ROBO2: variants seen among roughly 807,000 people sequenced by gnomAD.
The protein encoded by ROBO2 is roundabout guidance receptor 2.
ROBO2 carries 53 observed loss-of-function variants against 160.8 expected under a neutral mutation model. The observed-to-expected ratio is 0.33, with a 90% CI of 0.26 to 0.41. ROBO2 has a LOEUF of 0.41. Ranked by LOEUF, ROBO2 falls within the 10% of genes least tolerant of loss-of-function variation. The pLI, the probability that ROBO2 is intolerant of heterozygous loss-of-function variation, is 1.00. For synonymous variants in ROBO2, 664 were observed against 611.7 expected, an observed-to-expected ratio of 1.09 and a Z score of -1.26; for missense variants, 1,577 against 1,722.4, an observed-to-expected ratio of 0.92 and a Z score of 1.49.
At chr3:77,550,738 C>T in intron 7 of ROBO2, 80 bp from the exon 9 acceptor site, 1 of 1,415,008 alleles carries the variant, frequency 7.1e-7, no homozygotes, top group Non-Finnish European at 1.0e-6. Flanking sequence ...CCACTGTATT[C>T]CTTAATTGTA....
chr3:75,974,391 A>G (rs1221694917), intron 2 of ROBO2, among the ~76,000 whole-genome samples: 1 of 151,650 alleles, frequency 6.6e-6, no homozygotes, highest in East Asian at 2.0e-4. Context: ...TATCAGCATA[A>G]TAGGAAGAAA....
At chr3:76,408,098 C>A (rs1448030760) in intron 2 of ROBO2, among the ~76,000 whole-genome samples, 1 of 152,042 alleles carries the variant, frequency 6.6e-6, no homozygotes, top group African/African-American at 2.4e-5. Flanking sequence ...CAGGCACTAT[C>A]CCTACAGCTA....
intron 2 of ROBO2, among the ~76,000 whole-genome samples, chr3:77,139,346 C>T (rs1287789675): frequency 2.6e-5 from 4 of 152,064 alleles, no homozygotes; most frequent in African/African-American, 9.7e-5. Context: ...GTACTTTATT[C>T]CATTAATACA....
chr3:76,786,608 C>T (rs2062995703), intron 2 of ROBO2, among the ~76,000 whole-genome samples: 2 of 151,466 alleles, frequency 1.3e-5, no homozygotes, highest in Non-Finnish European at 3.0e-5. Context: ...TCCCACCACG[C>T]TCCACCTCCA....
intron 2 of ROBO2, among the ~76,000 whole-genome samples, chr3:75,950,506 G>T (rs1948493386): frequency 6.6e-6 from 1 of 152,054 alleles, no homozygotes; most frequent in Non-Finnish European, 1.5e-5. Context: ...ATGTTGCCAG[G>T]AAATGTTAAG....
At chr3:77,336,141 G>A (rs2066472615) in intron 2 of ROBO2, among the ~76,000 whole-genome samples, 1 of 152,132 alleles carries the variant, frequency 6.6e-6, no homozygotes, top group South Asian at 2.1e-4. Context: ...AAGAAAAAAG[G>A]AGATAAACCA....
intron 24 of ROBO2, chr3:77,642,916 G>A: frequency 2.2e-6 from 1 of 456,568 alleles, no homozygotes; most frequent in Non-Finnish European, 4.4e-6. Flanking sequence ...TATACGGAAA[G>A]CCCCACACAA....
intron 2 of ROBO2, among the ~76,000 whole-genome samples, chr3:76,804,791 C>G (rs548400288): frequency 3.3e-5 from 5 of 152,264 alleles, no homozygotes; most frequent in African/African-American, 1.2e-4. Flanking sequence ...AGTTCCTTAA[C>G]ATGAATTCAC....
At chr3:77,632,636 G>A in intron 23 of ROBO2, 1 of 1,535,190 alleles carries the variant, frequency 6.5e-7, no homozygotes, top group Non-Finnish European at 8.7e-7. Flanking sequence ...AGGCTGGATG[G>A]AACCAGCCTT....
rs149231566 is a variant in ROBO2, at chr3:77,005,301, C to T, written c.110-92713C>T. 2.0e-5 allele frequency among the ~76,000 whole-genome samples: 3 copies of T among 152,296 alleles called. No homozygotes were observed. In the East Asian group the frequency reaches 5.8e-4, roughly 29 times the overall value. ...TGGGAGTTTTTTACCCAGGTCTTTA[C>T]ATTTGTAATGACGAGCACCAAGCAC... On this transcript the variant is annotated intron_variant, in intron 2 of 26. Coordinates refer to the ROBO2 transcript ENST00000487694.
chr3:75,942,534 T>C (rs1948103211), intron 2 of ROBO2, among the ~76,000 whole-genome samples: 1 of 152,188 alleles, frequency 6.6e-6, no homozygotes, highest in Non-Finnish European at 1.5e-5. Context: ...GGCAGAATTA[T>C]GTTACCTAGG....
chr3:77,127,873 G>A (rs2075486487), intron 2 of ROBO2, among the ~76,000 whole-genome samples: 1 of 152,092 alleles, frequency 6.6e-6, no homozygotes, highest in Admixed American at 6.5e-5. Context: ...GACTGAAATG[G>A]GAATGAAGGA....
chr3:75,994,891 T>A (rs1370727056), intron 2 of ROBO2, among the ~76,000 whole-genome samples: 30 of 152,114 alleles, frequency 2.0e-4, no homozygotes, highest in Non-Finnish European at 8.8e-5. Context: ...TGAGGTGCTA[T>A]CAGATGGAGA....
At chr3:76,155,319 C>G (rs1423600015) in intron 2 of ROBO2, among the ~76,000 whole-genome samples, 1 of 152,084 alleles carries the variant, frequency 6.6e-6, no homozygotes, top group Non-Finnish European at 1.5e-5. Flanking sequence ...TCAATCTGAT[C>G]CTGTTGATGG....
chr3:76,602,547 C>T (rs530681608), intron 2 of ROBO2, among the ~76,000 whole-genome samples: 20 of 152,330 alleles, frequency 1.3e-4, no homozygotes, highest in South Asian at 1.0e-3. Flanking sequence ...CGAGAGAATG[C>T]GAATCAAGTG....
intron 2 of ROBO2, among the ~76,000 whole-genome samples, chr3:77,171,637 G>GTTGTGTTGTAC (rs1319113489): frequency 3.3e-5 from 5 of 152,162 alleles, no homozygotes; most frequent in African/African-American, 1.2e-4. Flanking sequence ...ACACTAATAA[G>GTTGTGTTGTAC]TTGTGTTGTA....
intron 2 of ROBO2, among the ~76,000 whole-genome samples, chr3:76,844,234 A>C (rs1173742807): frequency 6.6e-6 from 1 of 152,024 alleles, no homozygotes; most frequent in Admixed American, 6.6e-5. Flanking sequence ...AACTGGTACA[A>C]ATAATAGAAT....
intron 4 of ROBO2, among the ~76,000 whole-genome samples, chr3:77,482,348 G>T (rs2084805978): frequency 6.6e-6 from 1 of 152,134 alleles, no homozygotes. Context: ...TATTTTGCTG[G>T]CTTGGGAGAC....
intron 2 of ROBO2, among the ~76,000 whole-genome samples, chr3:77,405,575 T>G (rs1467234711): frequency 1.3e-5 from 2 of 151,924 alleles, no homozygotes; most frequent in African/African-American, 4.8e-5. Flanking sequence ...AAGTCAGAAT[T>G]GCAATTACTG....
Sources: allele counts gnomAD v4.1 joint callset (sites outside exome capture counted in the v4.1 genomes callset), GRCh38; gene constraint gnomAD v4.1.1; transcripts MANE v1.5; gene names NCBI Gene and HGNC (gene_info 2026-07-23, HGNC 2026-07-21).